SLC7A5: variants seen among roughly 807,000 people sequenced by gnomAD.
SLC7A5 encodes large neutral amino acids transporter small subunit 1.
SLC7A5 carries 23 observed loss-of-function variants against 50.2 expected under a neutral mutation model. That is an observed-to-expected ratio of 0.46 (90% CI 0.33 to 0.65). The LOEUF is 0.65. Ranked by LOEUF, SLC7A5 falls within the 30% of genes least tolerant of loss-of-function variation. SLC7A5 has a pLI of 0.02. For synonymous variants in SLC7A5, 393 were observed against 330.6 expected, an observed-to-expected ratio of 1.19 and a Z score of -2.05; for missense variants, 578 against 684.4, an observed-to-expected ratio of 0.84 and a Z score of 1.73.
chr16:87,834,701 T>A, intron 8 of SLC7A5, 110 bp from the exon 9 acceptor site: 1 of 1,135,462 alleles, frequency 8.8e-7, no homozygotes, highest in Non-Finnish European at 1.3e-6. Flanking sequence ...GCTGCTGACT[T>A]CCAGGTCACC....
At position 87,832,972 on chromosome 16, in the gene SLC7A5, A is replaced by G. The variant is rs781416515; in HGVS notation, c.1522T>C (p.Ter508GlnextTer16). ...CCGGCAGCCACTCGGCCTCCTGGCTATGTCTCCTGGGGGACCACCTGCATG... is the reference window on the plus strand; with the variant it reads ...CCGGCAGCCACTCGGCCTCCTGGCTGTGTCTCCTGGGGGACCACCTGCATG... ...KLMQVVPQET[*>Q] Residue 508 changes from the stop codon to glutamine (Q), a stop_lost, in exon 10 of 10, where the codon TAG becomes CAG. Coordinates refer to ENST00000261622, the MANE Select transcript of SLC7A5 (RefSeq NM_003486.7). This position sits in a 1 kb window ranked among gnomAD's most constrained non-coding sequence, Gnocchi z 4.6. 35 of 1,613,568 alleles carry G rather than the reference A, an allele frequency of 2.2e-5. No homozygotes were observed. The highest frequency in any genetic ancestry group is 2.9e-5 in the Non-Finnish European group (34 of 1,179,668).
chr16:87,851,849 A>C lies in SLC7A5; in HGVS notation c.539T>G (p.Leu180Arg). ...AAKLVACLCVLLLTAVNCYSV... is the reference protein window; with the variant it reads ...AAKLVACLCVRLLTAVNCYSV... ...GTAGCAGTTCACGGCCGTGAGCAGC[A>C]CTGTGGAGACAGAGGGCAGCGGTGA... Residue 180 changes from leucine to arginine, a missense_variant and splice_region_variant, in exon 2 of 10, where the codon CTG becomes CGG. Around this residue, in one of 2 missense-constraint regions of SLC7A5, gnomAD observed 465 missense variants for 594.6 expected, o/e 0.78. Transcript: ENST00000261622. 6.2e-7 allele frequency: 1 copy of C among 1,612,940 alleles called. No individual in the cohort carries two copies. The highest frequency in any genetic ancestry group is 8.5e-7 in the Non-Finnish European group (1 of 1,179,960).
At chr16:87,854,274 G>T (rs1230694184) in intron 1 of SLC7A5, among the ~76,000 whole-genome samples, 1 of 152,088 alleles carries the variant, frequency 6.6e-6, no homozygotes, top group Non-Finnish European at 1.5e-5. Context: ...ATAGAACAAA[G>T]GGGACCTTAT....
At chr16:87,836,721 G>C in intron 7 of SLC7A5, 74 bp from the exon 8 acceptor site, 1 of 1,540,576 alleles carries the variant, frequency 6.5e-7, no homozygotes, top group South Asian at 1.1e-5. Context: ...TGGCCACCGG[G>C]GACTGTCCAG....
Position 87,869,281 on chromosome 16 carries a change from G to C in SLC7A5, c.142C>G (p.Arg48Gly). The change falls in exon 1 of 10, where the codon CGG becomes GGG. Residue 48 changes from arginine (R) to glycine (G), a missense_variant. Around this residue, in one of 2 missense-constraint regions of SLC7A5, gnomAD observed 113 missense variants for 89.8 expected, o/e 1.26. Coordinates refer to ENST00000261622, the MANE Select transcript of SLC7A5 (RefSeq NM_003486.7). Reference protein sequence around the residue: ...AGEGEGVTLQRNITLLNGVAI... With the variant: ...AGEGEGVTLQGNITLLNGVAI... ...ACGCCGTTGAGCAGCGTGATGTTCC[G>C]CTGCAGGGTCACGCCCTCGCCCTCG... 6.2e-7 allele frequency: 1 copy of C among 1,612,176 alleles called. No individual in the cohort carries two copies. Among genetic ancestry groups the C allele is most frequent in the Non-Finnish European group, 8.5e-7 (1 of 1,179,822 alleles).
Position 87,847,523 on chromosome 16 carries a change from C to T in SLC7A5, c.664+4201G>A, listed in dbSNP as rs115571982. 5.5e-3 allele frequency among the ~76,000 whole-genome samples: 839 copies of T among 152,318 alleles called. 7 individuals are homozygous for T. Among genetic ancestry groups the T allele is most frequent in the African/African-American group, 0.019 (784 of 41,564 alleles). On this transcript the variant is annotated intron_variant, in intron 2 of 9. Coordinates refer to ENST00000261622, the MANE Select transcript of SLC7A5 (RefSeq NM_003486.7). ...CAGAGACCAGTCTGAAAAGGAATGT[C>T]CTCCAGACCTCCACCCTCTCAGGAT...
At chr16:87,843,924 G>A (rs1011870617) in intron 2 of SLC7A5, among the ~76,000 whole-genome samples, 3 of 152,156 alleles carry the variant, frequency 2.0e-5, no homozygotes, top group African/African-American at 7.2e-5. Flanking sequence ...CCTAGACTCG[G>A]GCGTGGTCCT....
At chr16:87,863,444 G>C (rs942093165) in intron 1 of SLC7A5, 1 of 152,138 alleles carries the variant, frequency 6.6e-6, no homozygotes, top group Non-Finnish European at 1.5e-5. Context: ...CAGCCTTTGC[G>C]CCTTCTGATA....
At chr16:87,846,154 A>G (rs1051366356) in intron 2 of SLC7A5, among the ~76,000 whole-genome samples, 1 of 152,144 alleles carries the variant, frequency 6.6e-6, no homozygotes, top group African/African-American at 2.4e-5. Context: ...GGTTGTCCGG[A>G]GTGGAGCCAC....
intron 2 of SLC7A5, among the ~76,000 whole-genome samples, chr16:87,843,789 C>G (rs1009299054): frequency 6.6e-6 from 1 of 152,164 alleles, no homozygotes; most frequent in Non-Finnish European, 1.5e-5. Flanking sequence ...CAACAGAGAG[C>G]CCACGGTGGC....
rs939665640 is a variant in SLC7A5, at chr16:87,833,490, C to G, written c.1469-465G>C. 3.3e-5 allele frequency among the ~76,000 whole-genome samples: 5 copies of G among 152,200 alleles called. No individual in the cohort carries two copies. Among genetic ancestry groups the G allele is most frequent in the Non-Finnish European group, 7.3e-5 (5 of 68,032 alleles). The stretch of plus-strand genomic sequence containing the variant: ...CGCCTGGGACTGTCTACAGAGACAT[C>G]ACTCTGTGGAGGGGGACTGCTTTCA... On this transcript the variant is annotated intron_variant, in intron 9 of 9. Transcript: ENST00000261622. This position sits in a 1 kb window ranked among gnomAD's most constrained non-coding sequence, Gnocchi z 6.0.
At chr16:87,834,333 TG>T in intron 9 of SLC7A5, 80 bp downstream of exon 9, 1 of 1,408,374 alleles carries the variant, frequency 7.1e-7, no homozygotes, top group Non-Finnish European at 9.8e-7. Flanking sequence ...CCCATGTGGG[TG>T]GAGACGGCCG....
intron 2 of SLC7A5, among the ~76,000 whole-genome samples, chr16:87,842,347 A>G (rs1158653165): frequency 1.3e-5 from 2 of 152,198 alleles, no homozygotes; most frequent in Admixed American, 6.5e-5. Flanking sequence ...ACAGGTCACC[A>G]TGGGGGCCCA....
intron 9 of SLC7A5, among the ~76,000 whole-genome samples, chr16:87,834,196 C>G (rs16943312): frequency 0.021 from 3,200 of 152,270 alleles, 136 homozygotes; most frequent in African/African-American, 0.073. Flanking sequence ...CCTGGTTTTC[C>G]GGAATCCCTC....
chr16:87,840,621 C>T, intron 3 of SLC7A5, 148 bp from the exon 4 acceptor site: 1 of 721,740 alleles, frequency 1.4e-6, no homozygotes, highest in Non-Finnish European at 2.5e-6. Flanking sequence ...TGGGAGGGAG[C>T]TCAGCCTCCT....
chr16:87,840,506 G>C, intron 3 of SLC7A5, 33 bp from the exon 4 acceptor site: 1 of 932,202 alleles, frequency 1.1e-6, no homozygotes, highest in Non-Finnish European at 1.4e-6. Flanking sequence ...CAAATTATAT[G>C]ATCCTCATCA....
chr16:87,838,880 C>T, intron 5 of SLC7A5, 63 bp from the exon 6 acceptor site: 2 of 1,253,568 alleles, frequency 1.6e-6, no homozygotes, highest in Non-Finnish European at 2.3e-6. Context: ...CCTGTGCTCA[C>T]TGGGAGCCCT....
At chr16:87,844,242 C>A (rs894909454) in intron 2 of SLC7A5, among the ~76,000 whole-genome samples, 2 of 152,212 alleles carry the variant, frequency 1.3e-5, no homozygotes, top group African/African-American at 4.8e-5. Flanking sequence ...TGAAAGCAAA[C>A]GCACAGCCAA....
At position 87,832,090 on chromosome 16, in the gene SLC7A5, G is replaced by A. The variant is rs557244512; in HGVS notation, c.*880C>T. 1 of 152,478 alleles carries A rather than the reference G, an allele frequency of 6.6e-6. No individual in the cohort carries two copies. Among genetic ancestry groups the A allele is most frequent in the African/African-American group, 2.4e-5 (1 of 41,570 alleles). 9.4% of individuals were successfully genotyped at this position (152,478 alleles called of 1,614,324 possible). A position where few individuals can be genotyped will look rare whatever the true frequency, so the allele number is the denominator to read the frequency against. ...CACTGCTGTGTGGAGCCCAGGGTGG[G>A]CGCCCACATGGGTGCCTGGCCGCGG... On this transcript the variant is annotated 3_prime_UTR_variant, in exon 10 of 10. Transcript: ENST00000261622. This position sits in a 1 kb window ranked among gnomAD's most constrained non-coding sequence, Gnocchi z 4.6.
Sources: allele counts gnomAD v4.1 joint callset (sites outside exome capture counted in the v4.1 genomes callset), GRCh38; gene constraint gnomAD v4.1.1; regional missense constraint gnomAD v4.1.1; non-coding constraint Gnocchi (gnomAD v3.1); transcripts MANE v1.5; gene names NCBI Gene and HGNC (gene_info 2026-07-23, HGNC 2026-07-21).